The following PTPRD variants were observed in gnomAD, a reference collection of about 807,000 sequenced individuals.
PTPRD encodes the protein receptor-type tyrosine-protein phosphatase delta.
A neutral mutation model predicts 214.5 loss-of-function variants in PTPRD; 34 were observed. The ratio of observed to expected loss-of-function variants is 0.16; its 90% CI spans 0.12 to 0.21. The LOEUF is 0.21. Among genes scored for constraint, PTPRD ranks in the 10% least tolerant of loss-of-function variants. The pLI, the probability that PTPRD is intolerant of heterozygous loss-of-function variation, is 1.00. For missense variants in PTPRD, 2,545 were observed against 2,398.7 expected (o/e 1.06, Z -1.27); for synonymous variants, 1,128 against 845.7 (o/e 1.33, Z -5.79).
intron 2 of PTPRD, among the ~76,000 whole-genome samples, chr9:10,600,378 A>G (rs960382725): frequency 3.3e-5 from 5 of 151,746 alleles, no homozygotes; most frequent in African/African-American, 9.7e-5. Flanking sequence ...ATGTTGTACA[A>G]TGCGTGCCAC....
intron 11 of PTPRD, among the ~76,000 whole-genome samples, chr9:8,737,023 G>T (rs1220839730): frequency 6.6e-6 from 1 of 152,142 alleles, no homozygotes. Flanking sequence ...CTGTGCAAGC[G>T]TATCAGAGCC....
intron 8 of PTPRD, among the ~76,000 whole-genome samples, chr9:9,471,250 T>A (rs2094566754): frequency 6.6e-6 from 1 of 152,192 alleles, no homozygotes; most frequent in South Asian, 2.1e-4. Flanking sequence ...CATATACATA[T>A]ATATGGACAC....
intron 35 of PTPRD, among the ~76,000 whole-genome samples, chr9:8,421,603 T>G (rs1426801715): frequency 6.6e-6 from 1 of 152,136 alleles, no homozygotes; most frequent in Non-Finnish European, 1.5e-5. Context: ...GACAGGCACC[T>G]GTATCACCCT....
rs140879878 is a variant in PTPRD at position 8,922,956 on chromosome 9, C to A, written c.-104+95741G>T. On this transcript the variant is annotated intron_variant, in intron 11 of 45. Coordinates refer to ENST00000381196, the MANE Select transcript of PTPRD (RefSeq NM_002839.4). ...GGGATTACAGTCATGAGCCACTGCA[C>A]CTGGCCCAAAGATTTTTCCTTTCTT... 2.7e-3 allele frequency among the ~76,000 whole-genome samples: 405 copies of A among 151,984 alleles called. 1 individual carries two copies. Among genetic ancestry groups the A allele is most frequent in the African/African-American group, 9.1e-3 (378 of 41,470 alleles).
At position 8,405,554 on chromosome 9, in the gene PTPRD, T is replaced by C. The variant is rs936600506; in HGVS notation, c.4087-894A>G. Among the ~76,000 whole-genome samples, 102 of 152,128 alleles carry C rather than the reference T, an allele frequency of 6.7e-4. 4 individuals are homozygous for C. The highest frequency in any genetic ancestry group is 2.1e-4 in the South Asian group (1 of 4,830). ...AAATTCAGGTTTGATCATAAAACTCTAGGGGACTTCATTTCCTGAAACGTT... is the reference window on the plus strand; with the variant it reads ...AAATTCAGGTTTGATCATAAAACTCCAGGGGACTTCATTTCCTGAAACGTT... On this transcript the variant is annotated intron_variant, in intron 35 of 45. Coordinates refer to ENST00000381196, the MANE Select transcript of PTPRD (RefSeq NM_002839.4).
intron 3 of PTPRD, among the ~76,000 whole-genome samples, chr9:10,181,090 A>G (rs749954956): frequency 2.6e-5 from 4 of 152,128 alleles, no homozygotes; most frequent in Admixed American, 6.5e-5. Context: ...AATGCATCAT[A>G]TAGGCTTGAA....
chr9:9,201,692 T>C (rs2132318367), intron 9 of PTPRD, among the ~76,000 whole-genome samples: 1 of 152,304 alleles, frequency 6.6e-6, no homozygotes, highest in East Asian at 1.9e-4. Context: ...CTCAATGCAT[T>C]TAAAAGGTAA....
At chr9:9,539,021 G>T (rs2077054552) in intron 8 of PTPRD, among the ~76,000 whole-genome samples, 1 of 151,792 alleles carries the variant, frequency 6.6e-6, no homozygotes, top group African/African-American at 2.4e-5. Flanking sequence ...TGGAGCTTAG[G>T]TTCAAGTATG....
chr9:9,314,749 T>G (rs1240086430), intron 9 of PTPRD, among the ~76,000 whole-genome samples: 1 of 152,102 alleles, frequency 6.6e-6, no homozygotes, highest in Non-Finnish European at 1.5e-5. Context: ...ATGAATGGTT[T>G]TTATTTTCAT....
chr9:9,246,993 T>A (rs2099973339), intron 9 of PTPRD, among the ~76,000 whole-genome samples: 1 of 89,958 alleles, frequency 1.1e-5, no homozygotes, highest in Non-Finnish European at 2.6e-5. Context: ...TGCCACTCAT[T>A]TTCCCCGAGT....
At chr9:8,770,704 T>C (rs768585141) in intron 11 of PTPRD, among the ~76,000 whole-genome samples, 1 of 152,204 alleles carries the variant, frequency 6.6e-6, no homozygotes, top group Non-Finnish European at 1.5e-5. Context: ...GTATGTTTTA[T>C]GTAATGTATG....
intron 3 of PTPRD, among the ~76,000 whole-genome samples, chr9:10,203,575 C>T (rs953355251): frequency 6.6e-6 from 1 of 152,142 alleles, no homozygotes; most frequent in Admixed American, 6.5e-5. Context: ...CTGTTCATAG[C>T]CATCTGCTCA....
intron 9 of PTPRD, among the ~76,000 whole-genome samples, chr9:9,289,621 A>G (rs753719592): frequency 6.6e-6 from 1 of 151,644 alleles, no homozygotes; most frequent in South Asian, 2.1e-4. Context: ...ACATCTCCCT[A>G]TTTACATCAG....
intron 5 of PTPRD, among the ~76,000 whole-genome samples, chr9:9,797,440 C>T (rs1565342855): frequency 6.6e-6 from 1 of 151,402 alleles, no homozygotes; most frequent in Non-Finnish European, 1.5e-5. Flanking sequence ...TTAGAAGGTT[C>T]TGGAAAATAA....
At chr9:8,527,789 A>T in intron 15 of PTPRD, among the ~76,000 whole-genome samples, 1 of 152,136 alleles carries the variant, frequency 6.6e-6, no homozygotes, top group East Asian at 1.9e-4. Context: ...TGGGAAAAGG[A>T]GAAAAGGGTA....
chr9:8,915,627 T>G (rs1438128941), intron 11 of PTPRD, among the ~76,000 whole-genome samples: 1 of 152,192 alleles, frequency 6.6e-6, no homozygotes, highest in Non-Finnish European at 1.5e-5. Flanking sequence ...ATGCGGCAGC[T>G]GTAGCCTGAA....
chr9:10,187,470 T>A (rs971177754), intron 3 of PTPRD, among the ~76,000 whole-genome samples: 1 of 152,260 alleles, frequency 6.6e-6, no homozygotes, highest in East Asian at 1.9e-4. Context: ...TGCTGGAGTT[T>A]AGTGATTCTT....
chr9:10,539,188 T>C (rs566298712), intron 2 of PTPRD, among the ~76,000 whole-genome samples: 1 of 152,174 alleles, frequency 6.6e-6, no homozygotes, highest in Non-Finnish European at 1.5e-5. Context: ...TTTATCACTT[T>C]TTTGTTGTTG....
intron 5 of PTPRD, among the ~76,000 whole-genome samples, chr9:9,930,004 T>C (rs1019411967): frequency 6.6e-6 from 1 of 151,970 alleles, no homozygotes; most frequent in Non-Finnish European, 1.5e-5. Flanking sequence ...AGTTCAGGAG[T>C]CAGATACTCA....
Sources: gnomAD v4.1 joint callset for allele counts (sites outside exome capture counted in the v4.1 genomes callset) on GRCh38, gnomAD v4.1.1 for gene constraint, MANE v1.5 for transcripts, NCBI Gene and HGNC (gene_info 2026-07-23, HGNC 2026-07-21) for gene names.